Variants in SBNO1 observed in about 807,000 individuals in gnomAD.
SBNO1 encodes protein strawberry notch homolog 1.
Under a neutral mutation model 173.6 loss-of-function variants are expected in SBNO1, and 23 were observed. That is an observed-to-expected ratio of 0.13 (90% confidence interval 0.10 to 0.19). SBNO1 has a LOEUF of 0.19. Ranked by LOEUF, SBNO1 falls within the 10% of genes least tolerant of loss-of-function variation. SBNO1 has a pLI of 1.00. For missense variants in SBNO1, 1,238 were observed against 1,671.2 expected, an observed-to-expected ratio of 0.74 and a Z score of 4.52; for synonymous variants, 632 against 571.5, an observed-to-expected ratio of 1.11 and a Z score of -1.51.
chr12:123,330,462 C>T lies in SBNO1; in HGVS notation c.1091G>A (p.Arg364Lys), dbSNP rs1353982031. ...DLKYDAERDL[R>K]DIGAKNILVH... ...CAAAATGTTTTTTGCTCCAATATCC[C>T]TTAAATCTCTTTCAGCATCATACTT... The change falls in exon 9 of 32, where the codon AGG becomes AAG. Residue 364 changes from arginine (R) to lysine (K), a missense_variant. Transcript: ENST00000602398. 1.2e-6 allele frequency: 2 copies of T among 1,605,490 alleles called. No individual in the cohort carries two copies. The highest frequency in any genetic ancestry group is 1.3e-5 in the African/African-American group (1 of 74,826).
rs891711424 is a variant in SBNO1, at chr12:123,327,751, A to C, written c.1494T>G (p.Thr498=). Residue 498 remains threonine (T), a synonymous_variant, in exon 12 of 32, where the codon ACT becomes ACG. Transcript: ENST00000602398. The part of the protein sequence containing the change: ...MNRLGIWGEG[T]PFREFSDFIQ... ...TAAAATCACTGAATTCTCTAAATGGAGTACCCTCACCCCATATGCCAAGAC... is the reference window on the plus strand; with the variant it reads ...TAAAATCACTGAATTCTCTAAATGGCGTACCCTCACCCCATATGCCAAGAC... 7.4e-6 allele frequency: 12 copies of C among 1,613,790 alleles called. No homozygotes were observed. Among genetic ancestry groups the C allele is most frequent in the Non-Finnish European group, 9.3e-6 (11 of 1,179,894 alleles).
chr12:123,356,841 G>A (rs1416046410), intron 1 of SBNO1, among the ~76,000 whole-genome samples: 1 of 152,180 alleles, frequency 6.6e-6, no homozygotes, highest in Non-Finnish European at 1.5e-5. Flanking sequence ...GAATAAACTG[G>A]TGGACATTTT....
intron 2 of SBNO1, 78 bp downstream of exon 2, chr12:123,350,232 C>A (rs375281965): frequency 2.3e-5 from 35 of 1,535,442 alleles, no homozygotes; most frequent in Non-Finnish European, 2.9e-5. Context: ...CCAGCCTGGG[C>A]CACAGAGTGA....
At chr12:123,298,428 T>C (rs1319420800) in intron 30 of SBNO1, among the ~76,000 whole-genome samples, 1 of 152,148 alleles carries the variant, frequency 6.6e-6, no homozygotes, top group Non-Finnish European at 1.5e-5. Context: ...TGTTGTTGTT[T>C]TGTATTTTTA....
intron 8 of SBNO1, among the ~76,000 whole-genome samples, chr12:123,330,805 G>A (rs1294121677): frequency 6.6e-6 from 1 of 151,958 alleles, no homozygotes; most frequent in Non-Finnish European, 1.5e-5. Flanking sequence ...GTGCATGCCT[G>A]TAGTCCCAGC....
chr12:123,316,445 A>G (rs141361501), intron 21 of SBNO1, among the ~76,000 whole-genome samples: 77 of 151,926 alleles, frequency 5.1e-4, no homozygotes, highest in African/African-American at 1.8e-3. Context: ...CCTGGTCTTG[A>G]ACTCCCGACC....
rs1373256478 is a variant in SBNO1 at position 123,292,226 on chromosome 12, G to C, written c.*3682C>G. 1 of 152,036 alleles carries C rather than the reference G, an allele frequency of 6.6e-6. No homozygotes were observed. The highest frequency in any genetic ancestry group is 2.4e-5 in the African/African-American group (1 of 41,376). 9.4% of individuals were successfully genotyped at this position (152,036 alleles called of 1,614,324 possible). A position where few individuals can be genotyped will look rare whatever the true frequency, so the allele number is the denominator to read the frequency against. ...ATTGGGAGGCCTGAACTAATCAAAC[G>C]TTCATTAATAGGATCCCAGCCTAAC... On this transcript the variant is annotated 3_prime_UTR_variant, in exon 32 of 32. Transcript: ENST00000602398.
rs1445214988 is a variant in SBNO1 at position 123,342,774 on chromosome 12, A to C, written c.551-1686T>G. ...CCCCTGGAACCAGCCTTCAGCCTCC[A>C]AGAATCCCTGAAGTCCTCACAGTAC... On this transcript the variant is annotated intron_variant, in intron 4 of 31. Transcript: ENST00000602398. 2.0e-5 allele frequency among the ~76,000 whole-genome samples: 3 copies of C among 152,198 alleles called. No individual in the cohort carries two copies. The East Asian group carries it at 5.8e-4, about 29-fold the overall frequency.
At chr12:123,322,598 G>C (rs895943974) in intron 16 of SBNO1, among the ~76,000 whole-genome samples, 2 of 151,782 alleles carry the variant, frequency 1.3e-5, no homozygotes, top group African/African-American at 4.8e-5. Flanking sequence ...TGCCCGGCGA[G>C]AAGTCAACTT....
chr12:123,342,722 T>C (rs1872703904), intron 4 of SBNO1, among the ~76,000 whole-genome samples: 1 of 152,052 alleles, frequency 6.6e-6, no homozygotes, highest in South Asian at 2.1e-4. Context: ...CTTGACTGAA[T>C]AGGGGTGGGA....
intron 2 of SBNO1, among the ~76,000 whole-genome samples, chr12:123,349,537 G>A (rs1005207904): frequency 2.8e-4 from 36 of 129,336 alleles, no homozygotes; most frequent in Non-Finnish European, 1.1e-4. Context: ...CTATCTATAC[G>A]TTTATAATAA....
At chr12:123,344,204 G>A (rs887930095) in intron 4 of SBNO1, among the ~76,000 whole-genome samples, 6 of 152,166 alleles carry the variant, frequency 3.9e-5, no homozygotes, top group Non-Finnish European at 7.3e-5. Context: ...CAAGTCCCTT[G>A]CGAGTGATTC....
intron 6 of SBNO1, among the ~76,000 whole-genome samples, chr12:123,336,135 A>C (rs1359831432): frequency 1.3e-5 from 2 of 152,180 alleles, no homozygotes; most frequent in African/African-American, 4.8e-5. Context: ...TTATTTTTAT[A>C]ATTTCAATGT....
chr12:123,338,074 G>A (rs1339231241), intron 5 of SBNO1, among the ~76,000 whole-genome samples: 2 of 152,100 alleles, frequency 1.3e-5, no homozygotes, highest in Non-Finnish European at 2.9e-5. Flanking sequence ...ACGGTACCTG[G>A]GAAATGTTTG....
chr12:123,311,159 A>G (rs1214086144), intron 24 of SBNO1, 30 bp from the exon 25 acceptor site: 1 of 1,516,464 alleles, frequency 6.6e-7, no homozygotes, highest in Non-Finnish European at 9.2e-7. Context: ...TCTGACTCAT[A>G]AATTACAAGG....
intron 1 of SBNO1, among the ~76,000 whole-genome samples, chr12:123,363,390 C>G (rs1435987003): frequency 6.6e-6 from 1 of 152,142 alleles, no homozygotes; most frequent in Non-Finnish European, 1.5e-5. Context: ...GTACTGTCAG[C>G]TCGCAGAATT....
chr12:123,300,043 T>C (rs1208025292), intron 30 of SBNO1, among the ~76,000 whole-genome samples: 1 of 152,140 alleles, frequency 6.6e-6, no homozygotes, highest in East Asian at 1.9e-4. Context: ...CATGTAAATT[T>C]AAGAAGAAAT....
intron 2 of SBNO1, among the ~76,000 whole-genome samples, 154 bp from the exon 3 acceptor site, chr12:123,348,287 G>A (rs776220539): frequency 6.6e-6 from 1 of 152,112 alleles, no homozygotes; most frequent in Admixed American, 6.5e-5. Flanking sequence ...ATCTTTGCAA[G>A]CACAAGATCT....
At chr12:123,327,630 A>G in intron 12 of SBNO1, 51 bp from the exon 13 acceptor site, 1 of 1,596,156 alleles carries the variant, frequency 6.3e-7, no homozygotes, top group Non-Finnish European at 8.6e-7. Context: ...GAATTTTAAC[A>G]TACAGAGAAT....
Sources: allele counts gnomAD v4.1 joint callset (sites outside exome capture counted in the v4.1 genomes callset), GRCh38; gene constraint gnomAD v4.1.1; transcripts MANE v1.5; gene names NCBI Gene and HGNC (gene_info 2026-07-23, HGNC 2026-07-21).